PDE10A: variants seen among roughly 807,000 people sequenced by gnomAD.
PDE10A encodes phosphodiesterase 10A, also known as cAMP and cAMP-inhibited cGMP 3',5'-cyclic phosphodiesterase 10A.
Under a neutral mutation model 97.7 loss-of-function variants are expected in PDE10A, and 39 were observed. The ratio of observed to expected loss-of-function variants is 0.40; its 90% CI spans 0.31 to 0.52. The LOEUF is 0.52. Among genes scored for constraint, PDE10A ranks in the 20% least tolerant of loss-of-function variants. The pLI is 0.56. For missense variants in PDE10A, 731 were observed against 1,047.8 expected, an observed-to-expected ratio of 0.70 and a Z score of 4.17; for synonymous variants, 371 against 376.8, an observed-to-expected ratio of 0.98 and a Z score of 0.18.
intron 1 of PDE10A, among the ~76,000 whole-genome samples, chr6:165,567,351 G>T (rs1467671426): frequency 1.3e-5 from 2 of 152,190 alleles, no homozygotes; most frequent in Non-Finnish European, 2.9e-5. Flanking sequence ...AGGAAGCTAA[G>T]ATTCACAGGT....
At chr6:165,913,872 A>G (rs995500853) in intron 1 of PDE10A, among the ~76,000 whole-genome samples, 1 of 152,220 alleles carries the variant, frequency 6.6e-6, no homozygotes, top group African/African-American at 2.4e-5. Context: ...CAGCAAATCT[A>G]TGGTTCTTGC....
intron 1 of PDE10A, among the ~76,000 whole-genome samples, chr6:165,941,853 C>T (rs1783534140): frequency 6.6e-6 from 1 of 152,184 alleles, no homozygotes; most frequent in South Asian, 2.1e-4. Flanking sequence ...TGGCCTAATG[C>T]ACCACCTTTC....
chr6:165,451,298 C>G (rs1477444307), intron 3 of PDE10A, among the ~76,000 whole-genome samples: 2 of 152,170 alleles, frequency 1.3e-5, no homozygotes, highest in Non-Finnish European at 2.9e-5. Context: ...CCAGTTCAAG[C>G]TATAATGTGT....
chr6:165,369,088 T>C (rs1168625181), intron 18 of PDE10A, among the ~76,000 whole-genome samples: 1 of 151,624 alleles, frequency 6.6e-6, no homozygotes, highest in Non-Finnish European at 1.5e-5. Context: ...TACATCACCA[T>C]CATCAAAGAC....
intron 18 of PDE10A, among the ~76,000 whole-genome samples, chr6:165,371,527 G>A (rs1189279739): frequency 6.6e-6 from 1 of 151,954 alleles, no homozygotes; most frequent in African/African-American, 2.4e-5. Context: ...GACTAAACCA[G>A]GAAGAAGTTG....
intron 1 of PDE10A, among the ~76,000 whole-genome samples, chr6:165,568,226 G>C (rs559307309): frequency 1.6e-4 from 24 of 152,022 alleles, no homozygotes; most frequent in Admixed American, 3.9e-4. Flanking sequence ...GTCTAGATCT[G>C]CTGACCTCAT....
intron 1 of PDE10A, among the ~76,000 whole-genome samples, chr6:165,958,045 T>A (rs1299419649): frequency 6.6e-6 from 1 of 152,168 alleles, no homozygotes; most frequent in Non-Finnish European, 1.5e-5. Context: ...AGAAAATTAT[T>A]GAGACATATT....
At chr6:165,967,504 A>G (rs552476241) in intron 1 of PDE10A, among the ~76,000 whole-genome samples, 1 of 152,260 alleles carries the variant, frequency 6.6e-6, no homozygotes, top group African/African-American at 2.4e-5. Context: ...TGTCTCAAAA[A>G]AAAATTTGTT....
intron 1 of PDE10A, among the ~76,000 whole-genome samples, chr6:165,815,674 GT>G (rs888860375): frequency 3.3e-5 from 5 of 152,068 alleles, no homozygotes; most frequent in African/African-American, 1.2e-4. Flanking sequence ...TTTTTTTCTG[GT>G]TTTTCCCCCC....
chr6:165,672,743 A>G (rs78897809), intron 1 of PDE10A, among the ~76,000 whole-genome samples: 2 of 152,340 alleles, frequency 1.3e-5, no homozygotes, highest in Admixed American at 6.5e-5. Context: ...ACATGGAACC[A>G]TGAGTCCATT....
At chr6:165,506,705 G>A (rs1781211321) in intron 2 of PDE10A, among the ~76,000 whole-genome samples, 1 of 152,114 alleles carries the variant, frequency 6.6e-6, no homozygotes, top group African/African-American at 2.4e-5. Flanking sequence ...AGTAAGGACA[G>A]GTGCCTTATC....
intron 2 of PDE10A, among the ~76,000 whole-genome samples, chr6:165,526,023 T>C (rs1313108713): frequency 6.6e-6 from 1 of 152,136 alleles, no homozygotes; most frequent in Admixed American, 6.5e-5. Context: ...CCAGAACCCC[T>C]TGAATGAAGG....
intron 1 of PDE10A, among the ~76,000 whole-genome samples, chr6:165,636,643 CG>C (rs1788891384): frequency 6.6e-6 from 1 of 152,194 alleles, no homozygotes; most frequent in East Asian, 1.9e-4. Context: ...GCAATACTTA[CG>C]GTTCACAAAA....
chr6:165,821,548 T>C (rs1187348027), intron 1 of PDE10A, among the ~76,000 whole-genome samples: 1 of 151,998 alleles, frequency 6.6e-6, no homozygotes, highest in East Asian at 1.9e-4. Flanking sequence ...ACAGTCTTGC[T>C]GTGTCCTCCA....
At chr6:165,589,622 C>T (rs1032970942) in intron 1 of PDE10A, among the ~76,000 whole-genome samples, 18 of 151,566 alleles carry the variant, frequency 1.2e-4, no homozygotes, top group Non-Finnish European at 4.4e-5. Flanking sequence ...CATAACAGTC[C>T]CTGGCATAGA....
intron 1 of PDE10A, among the ~76,000 whole-genome samples, chr6:165,807,384 A>T (rs1779168087): frequency 6.6e-6 from 1 of 152,124 alleles, no homozygotes; most frequent in African/African-American, 2.4e-5. Flanking sequence ...ACTCCTCAAT[A>T]AACAGATGCA....
intron 1 of PDE10A, among the ~76,000 whole-genome samples, chr6:165,735,691 G>A (rs1433688743): frequency 6.6e-6 from 1 of 152,060 alleles, no homozygotes; most frequent in East Asian, 1.9e-4. Flanking sequence ...GTTCTGTTCA[G>A]GCCTTCATCT....
intron 1 of PDE10A, among the ~76,000 whole-genome samples, chr6:165,552,918 C>T (rs960936747): frequency 2.6e-5 from 4 of 152,084 alleles, no homozygotes; most frequent in African/African-American, 7.2e-5. Context: ...TTGCTGAAAA[C>T]GGCCCAGTTC....
Position 165,388,048 on chromosome 6 carries a change from C to T in PDE10A, c.2610+250G>A, listed in dbSNP as rs1583174948. 6.6e-6 allele frequency among the ~76,000 whole-genome samples: 1 copy of T among 152,094 alleles called. No individual in the cohort carries two copies. Among genetic ancestry groups the T allele is most frequent in the East Asian group, 1.9e-4 (1 of 5,200 alleles). On this transcript the variant is annotated intron_variant, in intron 17 of 21. Coordinates refer to ENST00000539869, the MANE Select transcript of PDE10A (RefSeq NM_001385079.1). The surrounding 1 kb of genome is among the most constrained non-coding windows in gnomAD (Gnocchi z 4.0). ...TAAAATAAGTATTGCTTTAGGGTTA[C>T]AGGTACTTACTGATATAATGTTTAA...
Sources: allele counts gnomAD v4.1 joint callset (sites outside exome capture counted in the v4.1 genomes callset), GRCh38; gene constraint gnomAD v4.1.1; non-coding constraint Gnocchi (gnomAD v3.1); transcripts MANE v1.5; gene names NCBI Gene and HGNC (gene_info 2026-07-23, HGNC 2026-07-21).